Variants in NBEAL1 observed in about 807,000 individuals in gnomAD.
The protein encoded by NBEAL1 is neurobeachin like 1, also known as neurobeachin-like protein 1.
Under a neutral mutation model 351.3 loss-of-function variants are expected in NBEAL1, and 273 were observed. The observed-to-expected ratio is 0.78, with a 90% CI of 0.70 to 0.86. The LOEUF is 0.86. Ranked by LOEUF, NBEAL1 falls within the 40% of genes least tolerant of loss-of-function variation. The probability of loss-of-function intolerance (pLI) is 0.00; values close to 1 mark genes in which losing one functional copy is unlikely to be tolerated. For missense variants in NBEAL1, 2,961 were observed against 3,201.3 expected, an observed-to-expected ratio of 0.92 and a Z score of 1.81; for synonymous variants, 1,050 against 1,086.4, an observed-to-expected ratio of 0.97 and a Z score of 0.66.
intron 4 of NBEAL1, among the ~76,000 whole-genome samples, chr2:203,051,585 T>C (rs111646265): frequency 0.013 from 1,987 of 151,694 alleles, 42 homozygotes; most frequent in African/African-American, 0.044. Flanking sequence ...TTTATTCAGG[T>C]AGTAAGACAT....
chr2:203,117,930 T>C (rs1260283364), intron 18 of NBEAL1, among the ~76,000 whole-genome samples: 1 of 152,054 alleles, frequency 6.6e-6, no homozygotes, highest in Non-Finnish European at 1.5e-5. Flanking sequence ...CTCAAGCAAT[T>C]CTTCCACTTC....
At chr2:203,197,497 G>GAACCACCATGCACA in intron 48 of NBEAL1, 106 bp downstream of exon 48, 1 of 708,330 alleles carries the variant, frequency 1.4e-6, no homozygotes, top group Non-Finnish European at 2.4e-6. Context: ...GGCTGTGCAT[G>GAACCACCATGCACA]GTGGTTCATG....
intron 6 of NBEAL1, among the ~76,000 whole-genome samples, chr2:203,064,692 A>G (rs919984490): frequency 1.3e-5 from 2 of 152,162 alleles, no homozygotes; most frequent in East Asian, 1.9e-4. Flanking sequence ...GGTTATGGAA[A>G]TGTTTCAGAT....
chr2:203,149,403 G>T (rs2063594279), intron 34 of NBEAL1, among the ~76,000 whole-genome samples: 1 of 152,072 alleles, frequency 6.6e-6, no homozygotes, highest in African/African-American at 2.4e-5. Flanking sequence ...CTCTTAGAGA[G>T]TGTTAAACCA....
At chr2:203,205,811 TA>T (rs1297600541) in intron 51 of NBEAL1, among the ~76,000 whole-genome samples, 1 of 152,244 alleles carries the variant, frequency 6.6e-6, no homozygotes, top group Non-Finnish European at 1.5e-5. Context: ...GCTTCCATAA[TA>T]TAGGAATTAC....
intron 25 of NBEAL1, among the ~76,000 whole-genome samples, chr2:203,131,454 G>T (rs189589370): frequency 4.7e-4 from 71 of 152,290 alleles, no homozygotes; most frequent in African/African-American, 1.6e-3. Context: ...GACCTCAGTT[G>T]ATCTGCCTGC....
At chr2:203,094,222 T>G (rs2062129753) in intron 10 of NBEAL1, among the ~76,000 whole-genome samples, 5 of 152,168 alleles carry the variant, frequency 3.3e-5, no homozygotes, top group Non-Finnish European at 5.9e-5. Context: ...GAAAAATGTT[T>G]TCTGTATATT....
chr2:203,065,490 C>T (rs994340106), intron 6 of NBEAL1, among the ~76,000 whole-genome samples: 9 of 152,122 alleles, frequency 5.9e-5, no homozygotes, highest in Non-Finnish European at 8.8e-5. Flanking sequence ...CGGTGGCTCA[C>T]GCCTATAATC....
At chr2:203,097,327 AT>A (rs1193342299) in intron 10 of NBEAL1, among the ~76,000 whole-genome samples, 1 of 152,164 alleles carries the variant, frequency 6.6e-6, no homozygotes, top group Non-Finnish European at 1.5e-5. Flanking sequence ...ATTGTTTCTT[AT>A]TTTAGTAACT....
intron 51 of NBEAL1, among the ~76,000 whole-genome samples, chr2:203,203,629 C>T (rs1346981001): frequency 6.6e-6 from 1 of 152,100 alleles, no homozygotes; most frequent in Non-Finnish European, 1.5e-5. Flanking sequence ...TTGCTTGAGC[C>T]AGGGAAGCAG....
At chr2:203,184,574 G>A (rs550564122) in intron 44 of NBEAL1, among the ~76,000 whole-genome samples, 1 of 152,166 alleles carries the variant, frequency 6.6e-6, no homozygotes, top group East Asian at 1.9e-4. Flanking sequence ...CCCCACAGTA[G>A]CTCACTTTAT....
intron 11 of NBEAL1, among the ~76,000 whole-genome samples, chr2:203,097,916 T>C (rs966315367): frequency 1.3e-5 from 2 of 152,206 alleles, no homozygotes; most frequent in Non-Finnish European, 2.9e-5. Context: ...GGGATCTCAG[T>C]ACAATGCTGT....
chr2:203,069,690 C>T (rs1191935937), intron 7 of NBEAL1, among the ~76,000 whole-genome samples: 1 of 152,172 alleles, frequency 6.6e-6, no homozygotes, highest in Non-Finnish European at 1.5e-5. Flanking sequence ...CGGTCTCATT[C>T]TGTTGCTCAG....
At chr2:203,020,413 G>A (rs1333652851) in intron 2 of NBEAL1, among the ~76,000 whole-genome samples, 1 of 152,146 alleles carries the variant, frequency 6.6e-6, no homozygotes, top group Non-Finnish European at 1.5e-5. Flanking sequence ...AGTGGCTTAT[G>A]TCTGTAAGGC....
intron 24 of NBEAL1, among the ~76,000 whole-genome samples, chr2:203,128,262 CTT>C (rs11355179): frequency 0.47 from 44,885 of 95,218 alleles, 11,179 homozygotes; most frequent in Middle Eastern, 0.68. Context: ...AATTTTTTGC[CTT>C]TTTTTTTTTT....
chr2:203,177,410 A>C (rs1451062989), intron 42 of NBEAL1, among the ~76,000 whole-genome samples: 1 of 151,424 alleles, frequency 6.6e-6, no homozygotes, highest in African/African-American at 2.4e-5. Flanking sequence ...AAGAGTTCTT[A>C]TATCTTAATA....
At chr2:203,042,522 C>G (rs1244318275) in intron 3 of NBEAL1, among the ~76,000 whole-genome samples, 1 of 151,450 alleles carries the variant, frequency 6.6e-6, no homozygotes, top group Non-Finnish European at 1.5e-5. Context: ...CTCAATTTCC[C>G]TCTCCCTAGA....
chr2:203,094,412 G>T (rs1174145408), intron 10 of NBEAL1, among the ~76,000 whole-genome samples: 1 of 152,102 alleles, frequency 6.6e-6, no homozygotes, highest in Admixed American at 6.5e-5. Context: ...TGTTAGTAAA[G>T]AAATGAATCC....
chr2:203,172,373 T>C (rs568508012), intron 40 of NBEAL1, among the ~76,000 whole-genome samples: 68 of 151,920 alleles, frequency 4.5e-4, no homozygotes, highest in African/African-American at 1.6e-3. Flanking sequence ...ATACAAAAAT[T>C]ATCTGGGCGT....
Sources: allele counts gnomAD v4.1 joint callset (sites outside exome capture counted in the v4.1 genomes callset), GRCh38; gene constraint gnomAD v4.1.1; transcripts MANE v1.5; gene names NCBI Gene and HGNC (gene_info 2026-07-23, HGNC 2026-07-21).